Variants in KCNMB3 observed in about 807,000 individuals in gnomAD.
The protein encoded by KCNMB3 is potassium calcium-activated channel subfamily M regulatory beta subunit 3, also known as calcium-activated potassium channel subunit beta-3.
Under a neutral mutation model 11.9 loss-of-function variants are expected in KCNMB3, and 18 were observed. The ratio of observed to expected loss-of-function variants is 1.51; its 90% CI spans 1.04 to 2.23. KCNMB3 has a LOEUF of 2.23. Among genes scored for constraint, KCNMB3 ranks in the 30% most tolerant of loss-of-function variants. The probability of loss-of-function intolerance (pLI) is 0.00; values close to 1 mark genes in which losing one functional copy is unlikely to be tolerated. For missense variants in KCNMB3, 247 were observed against 329.4 expected (o/e 0.75, Z 1.94); for synonymous variants, 78 against 119.2 (o/e 0.65, Z 2.25).
intron 1 of KCNMB3, chr3:179,259,233 A>C: frequency 1.3e-6 from 2 of 1,537,298 alleles, no homozygotes; most frequent in Non-Finnish European, 1.7e-6. Context: ...GGCATCACTA[A>C]TGTCCTGTGA....
intron 1 of KCNMB3, among the ~76,000 whole-genome samples, chr3:179,245,112 C>T (rs1725591479): frequency 1.3e-5 from 2 of 152,262 alleles, no homozygotes; most frequent in East Asian, 1.9e-4. Flanking sequence ...ATTTGGAGAA[C>T]CACAGTGTAA....
intron 1 of KCNMB3, among the ~76,000 whole-genome samples, chr3:179,256,819 A>G (rs972134440): frequency 6.6e-5 from 10 of 152,220 alleles, no homozygotes; most frequent in African/African-American, 1.9e-4. Context: ...TTGCATCAGT[A>G]TATCAGTAAT....
intron 1 of KCNMB3, among the ~76,000 whole-genome samples, chr3:179,261,436 G>C (rs371328474): frequency 6.6e-6 from 1 of 151,970 alleles, no homozygotes; most frequent in South Asian, 2.1e-4. Context: ...CCAGCCCGCC[G>C]GGGAGCGGCT....
chr3:179,261,809 T>C (rs987616141), intron 1 of KCNMB3, among the ~76,000 whole-genome samples: 2 of 152,226 alleles, frequency 1.3e-5, no homozygotes, highest in Non-Finnish European at 2.9e-5. Context: ...TTTCCACTTA[T>C]GATGGATTTG....
At chr3:179,266,490 T>C (rs974975507) in intron 1 of KCNMB3, among the ~76,000 whole-genome samples, 1 of 152,186 alleles carries the variant, frequency 6.6e-6, no homozygotes, top group Admixed American at 6.5e-5. Context: ...ATGTGAGTGC[T>C]ACTGGGGAAG....
upstream of KCNMB3, among the ~76,000 whole-genome samples, chr3:179,254,915 A>C (rs1725963193): frequency 6.6e-6 from 1 of 152,220 alleles, no homozygotes; most frequent in Admixed American, 6.5e-5. Flanking sequence ...CTATAATCCC[A>C]GCACTTTCAG....
chr3:179,254,669 G>T (rs1459496986), upstream of KCNMB3, among the ~76,000 whole-genome samples: 1 of 152,152 alleles, frequency 6.6e-6, no homozygotes, highest in Non-Finnish European at 1.5e-5. Flanking sequence ...AAAATTAGCT[G>T]GGCGTGGTGG....
Position 179,249,308 on chromosome 3 carries a change from T to C in KCNMB3, c.248+1435A>G, listed in dbSNP as rs1468713283. ...GATTACAGGCGTGAGCCACCGCGCC[T>C]GGCCCAACCCCTTCTCTTAAAAAAA... On this transcript the variant is annotated intron_variant, in intron 1 of 2. Coordinates refer to ENST00000392685, the MANE Select transcript of KCNMB3 (RefSeq NM_171830.2). 3.4e-5 allele frequency among the ~76,000 whole-genome samples: 5 copies of C among 146,888 alleles called. No homozygotes were observed. In the South Asian group the frequency reaches 1.1e-3, roughly 34 times the overall value.
downstream of KCNMB3, chr3:179,242,639 T>C (rs1725491871): frequency 8.3e-6 from 3 of 362,630 alleles, no homozygotes; most frequent in Non-Finnish European, 9.3e-6. Flanking sequence ...AAGAATATCT[T>C]GAACTCATTT....
upstream of KCNMB3, among the ~76,000 whole-genome samples, chr3:179,256,483 T>C (rs1429958467): frequency 6.6e-6 from 1 of 151,972 alleles, no homozygotes; most frequent in African/African-American, 2.4e-5. Flanking sequence ...TAATAGTAAT[T>C]ATCTTATTAC....
At chr3:179,262,407 G>T (rs1726243800) in intron 1 of KCNMB3, among the ~76,000 whole-genome samples, 1 of 152,204 alleles carries the variant, frequency 6.6e-6, no homozygotes, top group Non-Finnish European at 1.5e-5. Context: ...CTCCCGATGG[G>T]TTCGTGGTCT....
Position 179,248,609 on chromosome 3 carries a change from T to C in KCNMB3, c.248+2134A>G, listed in dbSNP as rs574935805. ...CAAGTATGGTGGCACACACCTGTGG[T>C]CCCAGCTACTTGGGAGGCTGAGGCA... is the stretch of plus-strand genomic sequence containing the variant. On this transcript the variant is annotated intron_variant, in intron 1 of 2. Transcript: ENST00000392685. Among the ~76,000 whole-genome samples, 4 of 151,700 alleles carry C rather than the reference T, an allele frequency of 2.6e-5. No homozygotes were observed. The South Asian group carries it at 8.3e-4, about 32-fold the overall frequency.
chr3:179,261,107 G>C, intron 1 of KCNMB3: 1 of 1,218,830 alleles, frequency 8.2e-7, no homozygotes, highest in Non-Finnish European at 1.2e-6. Flanking sequence ...ATATTTTTCT[G>C]GTCTCTCTTC....
chr3:179,259,813 G>A (rs1245867175), intron 1 of KCNMB3: 6 of 1,604,028 alleles, frequency 3.7e-6, no homozygotes, highest in Admixed American at 1.7e-5. Context: ...ATATCTGAGG[G>A]TTCACTTTGA....
chr3:179,245,136 T>C (rs1725592441), intron 1 of KCNMB3, among the ~76,000 whole-genome samples: 1 of 152,148 alleles, frequency 6.6e-6, no homozygotes, highest in Non-Finnish European at 1.5e-5. Flanking sequence ...GTGTTAGCAT[T>C]ACCATAATGC....
At chr3:179,263,758 G>T (rs925969526) in intron 1 of KCNMB3, among the ~76,000 whole-genome samples, 21 of 120,308 alleles carry the variant, frequency 1.7e-4, no homozygotes, top group African/African-American at 6.0e-4. Context: ...TAGGTTTTTT[G>T]TTTTTTGTTT....
chr3:179,243,990 T>C (rs2108438748), intron 2 of KCNMB3, among the ~76,000 whole-genome samples: 1 of 152,352 alleles, frequency 6.6e-6, no homozygotes, highest in South Asian at 2.1e-4. Flanking sequence ...ACATGTCAAC[T>C]AATCTAACAC....
At chr3:179,260,595 C>T in intron 1 of KCNMB3, 1 of 1,469,124 alleles carries the variant, frequency 6.8e-7, no homozygotes. Context: ...TTTAACTCTT[C>T]TTTCGTCATC....
At chr3:179,251,204 A>T, upstream of KCNMB3, 1 of 1,583,442 alleles carries the variant, frequency 6.3e-7, no homozygotes, top group South Asian at 1.1e-5. Context: ...AGATCTGTTT[A>T]ATCAATAACT....
Sources: gnomAD v4.1 joint callset for allele counts (sites outside exome capture counted in the v4.1 genomes callset) on GRCh38, gnomAD v4.1.1 for gene constraint, MANE v1.5 for transcripts, NCBI Gene and HGNC (gene_info 2026-07-23, HGNC 2026-07-21) for gene names.